GPC6: variants seen among roughly 807,000 people sequenced by gnomAD.
GPC6 encodes the protein glypican-6.
Under a neutral mutation model 55.2 loss-of-function variants are expected in GPC6, and 14 were observed. That is an observed-to-expected ratio of 0.25 (90% CI 0.17 to 0.40). The LOEUF is 0.40. Ranked by LOEUF, GPC6 falls within the 10% of genes least tolerant of loss-of-function variation. GPC6 has a pLI of 1.00. For synonymous variants in GPC6, 278 were observed against 259.6 expected (o/e 1.07, Z -0.68); for missense variants, 641 against 708.5 (o/e 0.90, Z 1.08).
At chr13:94,300,722 T>C (rs1594145928) in intron 5 of GPC6, among the ~76,000 whole-genome samples, 1 of 152,288 alleles carries the variant, frequency 6.6e-6, no homozygotes, top group East Asian at 1.9e-4. Context: ...CAACATCCCT[T>C]GGAGAGAAGC....
chr13:94,053,354 C>T (rs968713660), intron 4 of GPC6, among the ~76,000 whole-genome samples: 4 of 152,204 alleles, frequency 2.6e-5, no homozygotes, highest in Admixed American at 6.5e-5. Context: ...AGAGTTAGAC[C>T]GACTTTTGAA....
At chr13:93,373,614 G>A (rs1874759857) in intron 1 of GPC6, among the ~76,000 whole-genome samples, 1 of 152,088 alleles carries the variant, frequency 6.6e-6, no homozygotes, top group African/African-American at 2.4e-5. Context: ...CGTCTGTGGT[G>A]ATACTCTGTA....
chr13:93,847,348 G>A (rs975706658), intron 3 of GPC6, among the ~76,000 whole-genome samples: 3 of 152,048 alleles, frequency 2.0e-5, no homozygotes, highest in East Asian at 1.9e-4. Context: ...AGAAGGGGCC[G>A]TCTGAGATGT....
intron 2 of GPC6, among the ~76,000 whole-genome samples, chr13:93,704,289 G>A (rs1416326121): frequency 1.3e-5 from 2 of 151,756 alleles, no homozygotes; most frequent in Non-Finnish European, 2.9e-5. Flanking sequence ...CCCAAATAAG[G>A]AAGAATTTAT....
intron 2 of GPC6, among the ~76,000 whole-genome samples, chr13:93,819,978 C>T (rs1886986895): frequency 6.6e-6 from 1 of 152,194 alleles, no homozygotes; most frequent in Non-Finnish European, 1.5e-5. Context: ...TCAAATCTCC[C>T]TATATCAACC....
At chr13:93,757,003 C>T (rs946292483) in intron 2 of GPC6, among the ~76,000 whole-genome samples, 2 of 152,134 alleles carry the variant, frequency 1.3e-5, no homozygotes, top group Non-Finnish European at 2.9e-5. Flanking sequence ...TTTTACATCG[C>T]AAAGATTCTA....
chr13:93,770,996 T>G (rs1437169097), intron 2 of GPC6, among the ~76,000 whole-genome samples: 3 of 152,112 alleles, frequency 2.0e-5, no homozygotes, highest in African/African-American at 7.2e-5. Context: ...CATCCAGCAC[T>G]CCTTGTTGCA....
intron 2 of GPC6, among the ~76,000 whole-genome samples, chr13:93,597,007 CAAAAAAAAAAAA>C (rs10709473): frequency 4.4e-5 from 3 of 68,062 alleles, no homozygotes; most frequent in African/African-American, 7.6e-5. Flanking sequence ...TCAAATCTGG[CAAAAAAAAAAAA>C]AAAAAAAAAA....
chr13:94,074,075 G>C (rs1055175796), intron 4 of GPC6, among the ~76,000 whole-genome samples: 2 of 152,140 alleles, frequency 1.3e-5, no homozygotes, highest in Non-Finnish European at 2.9e-5. Context: ...TAGATTAGCT[G>C]TGCATATTTT....
chr13:93,769,797 A>G (rs2138890173), intron 2 of GPC6, among the ~76,000 whole-genome samples: 1 of 152,300 alleles, frequency 6.6e-6, no homozygotes, highest in African/African-American at 2.4e-5. Context: ...TTCATGCTTT[A>G]CCTGTATTCT....
At chr13:93,296,258 C>T (rs1262951867) in intron 1 of GPC6, among the ~76,000 whole-genome samples, 1 of 152,162 alleles carries the variant, frequency 6.6e-6, no homozygotes, top group Non-Finnish European at 1.5e-5. Context: ...GTATATTCTA[C>T]CTCTGGAATT....
chr13:94,058,951 T>TA (rs1884227908), intron 4 of GPC6, among the ~76,000 whole-genome samples: 2 of 152,194 alleles, frequency 1.3e-5, no homozygotes, highest in Non-Finnish European at 2.9e-5. Flanking sequence ...TTATCCAAAG[T>TA]TTATGTTCTA....
At chr13:94,075,112 AT>A (rs1314774313) in intron 4 of GPC6, among the ~76,000 whole-genome samples, 2 of 152,214 alleles carry the variant, frequency 1.3e-5, no homozygotes, top group Non-Finnish European at 2.9e-5. Context: ...GATAGTAGCT[AT>A]ACACAATCAT....
chr13:93,863,174 T>C (rs1235059679), intron 3 of GPC6, among the ~76,000 whole-genome samples: 1 of 151,726 alleles, frequency 6.6e-6, no homozygotes, highest in East Asian at 2.0e-4. Context: ...TTGTAGACTC[T>C]GGGTCATCAA....
intron 4 of GPC6, among the ~76,000 whole-genome samples, chr13:94,038,597 A>C (rs1883420810): frequency 6.6e-6 from 1 of 151,882 alleles, no homozygotes. Context: ...AACCTGCATA[A>C]ATCTCAGTTT....
chr13:93,796,678 A>T (rs1417433941), intron 2 of GPC6, among the ~76,000 whole-genome samples: 1 of 152,190 alleles, frequency 6.6e-6, no homozygotes, highest in Admixed American at 6.5e-5. Flanking sequence ...CTCTCCTTAC[A>T]TGAAGCTATG....
At chr13:93,719,229 T>A (rs180795282) in intron 2 of GPC6, among the ~76,000 whole-genome samples, 12 of 152,244 alleles carry the variant, frequency 7.9e-5, no homozygotes, top group African/African-American at 2.9e-4. Flanking sequence ...GGAATGTTTT[T>A]CCATTAGTTT....
intron 5 of GPC6, among the ~76,000 whole-genome samples, chr13:94,288,950 GATAT>G (rs112219137): frequency 0.025 from 705 of 27,676 alleles, 11 homozygotes; most frequent in Middle Eastern, 0.043. Context: ...TAGATAGATA[GATAT>G]ATAGATAGAT....
intron 6 of GPC6, among the ~76,000 whole-genome samples, chr13:94,356,256 C>T (rs558343931): frequency 2.6e-5 from 4 of 152,308 alleles, no homozygotes; most frequent in African/African-American, 4.8e-5. Context: ...TGAACATACG[C>T]GTGCATGTGT....
Sources: allele counts gnomAD v4.1 joint callset (sites outside exome capture counted in the v4.1 genomes callset), GRCh38; gene constraint gnomAD v4.1.1; transcripts MANE v1.5; gene names NCBI Gene and HGNC (gene_info 2026-07-23, HGNC 2026-07-21).